The following SLC9B1 variants were observed in gnomAD, a reference collection of about 807,000 sequenced individuals.
SLC9B1 encodes solute carrier family 9 member B1.
Under a neutral mutation model 51.7 loss-of-function variants are expected in SLC9B1, and 32 were observed. That is an observed-to-expected ratio of 0.62 (90% CI 0.47 to 0.83). SLC9B1 has a LOEUF of 0.83. Among genes scored for constraint, SLC9B1 ranks in the 40% least tolerant of loss-of-function variants. The probability of loss-of-function intolerance (pLI) is 0.00; values close to 1 mark genes in which losing one functional copy is unlikely to be tolerated. For synonymous variants in SLC9B1, 145 were observed against 212.7 expected (o/e 0.68, Z 2.77); for missense variants, 406 against 613.2 (o/e 0.66, Z 3.57).
chr4:102,929,945 G>C (rs2110456344), intron 7 of SLC9B1, among the ~76,000 whole-genome samples: 1 of 152,322 alleles, frequency 6.6e-6, no homozygotes, highest in South Asian at 2.1e-4. Flanking sequence ...ATGGTAAAAA[G>C]AGTGAGAAAA....
chr4:102,891,683 T>G (rs928305198), intron 11 of SLC9B1: 1 of 152,246 alleles, frequency 6.6e-6, no homozygotes, highest in East Asian at 1.9e-4. Context: ...TCCCATTCAA[T>G]TGAAACATTT....
At chr4:102,910,770 T>C (rs1735300744) in intron 8 of SLC9B1, among the ~76,000 whole-genome samples, 182 bp from the exon 9 acceptor site, 1 of 152,126 alleles carries the variant, frequency 6.6e-6, no homozygotes, top group Non-Finnish European at 1.5e-5. Context: ...AGTAACAAAA[T>C]TTGCAATTAG....
At chr4:102,902,543 A>G (rs548490277) in intron 11 of SLC9B1, among the ~76,000 whole-genome samples, 1 of 152,124 alleles carries the variant, frequency 6.6e-6, no homozygotes. Context: ...CAAAAAACAA[A>G]AACCAAACCC....
intron 7 of SLC9B1, among the ~76,000 whole-genome samples, chr4:102,926,866 T>C (rs890576457): frequency 2.0e-5 from 3 of 152,166 alleles, no homozygotes; most frequent in African/African-American, 7.2e-5. Flanking sequence ...AAGGCTGCAC[T>C]AACCAAAACA....
chr4:102,922,299 C>A (rs1288706417), intron 7 of SLC9B1, among the ~76,000 whole-genome samples: 4 of 152,134 alleles, frequency 2.6e-5, no homozygotes, highest in Non-Finnish European at 5.9e-5. Context: ...ACAATTTGCT[C>A]CTGAATGACT....
chr4:102,904,128 A>T (rs1199429907), intron 11 of SLC9B1, among the ~76,000 whole-genome samples: 3 of 151,446 alleles, frequency 2.0e-5, no homozygotes, highest in Non-Finnish European at 2.9e-5. Flanking sequence ...GTGTGACCTC[A>T]GCTCATTGCA....
In SLC9B1 at chr4:102,989,930, A is replaced by C. The variant is rs775009509; in HGVS notation, c.81T>G (p.Asp27Glu). 2.0e-4 allele frequency: 309 copies of C among 1,579,712 alleles called. No individual in the cohort carries two copies. The highest frequency in any genetic ancestry group is 2.6e-4 in the Non-Finnish European group (302 of 1,157,964). ...QTSTTPQSLI[D>E]PNNTAQEETK... Reference sequence around the variant, plus strand: ...TTTCTTCCTGTGCAGTATTATTAGGATCAATGAGACTCTGTAGTAAAACAA... The same window carrying C: ...TTTCTTCCTGTGCAGTATTATTAGGCTCAATGAGACTCTGTAGTAAAACAA... Residue 27 changes from aspartate to glutamate, a missense_variant, in exon 3 of 12, where the codon GAT becomes GAG. Around this residue, in one of 6 missense-constraint regions of SLC9B1, gnomAD observed 108 missense variants for 94.5 expected, o/e 1.14. Coordinates refer to ENST00000296422, the MANE Select transcript of SLC9B1 (RefSeq NM_139173.4).
chr4:102,948,106 C>T (rs1737356746), intron 4 of SLC9B1, among the ~76,000 whole-genome samples: 1 of 152,142 alleles, frequency 6.6e-6, no homozygotes. Context: ...TTTCATATCA[C>T]ATTGTCTATT....
At chr4:102,992,905 G>T (rs1740019511) in intron 1 of SLC9B1, among the ~76,000 whole-genome samples, 1 of 152,150 alleles carries the variant, frequency 6.6e-6, no homozygotes, top group South Asian at 2.1e-4. Context: ...CTCTTCACAG[G>T]GTGGCAGAAG....
At chr4:102,950,855 C>T (rs577408076) in intron 3 of SLC9B1, among the ~76,000 whole-genome samples, 1 of 152,096 alleles carries the variant, frequency 6.6e-6, no homozygotes, top group Non-Finnish European at 1.5e-5. Context: ...ATTAGCCTGG[C>T]CTGTTGGCGC....
intron 9 of SLC9B1, among the ~76,000 whole-genome samples, chr4:102,909,669 G>A (rs1255822120): frequency 6.6e-6 from 1 of 152,216 alleles, no homozygotes; most frequent in Non-Finnish European, 1.5e-5. Context: ...AAGTGGAAAC[G>A]ATCTTAATGT....
intron 1 of SLC9B1, among the ~76,000 whole-genome samples, chr4:103,010,359 T>C (rs918734518): frequency 6.6e-6 from 1 of 152,196 alleles, no homozygotes; most frequent in Non-Finnish European, 1.5e-5. Context: ...GAACTTGTCC[T>C]TTTATAATGA....
At position 103,012,710 on chromosome 4, in the gene SLC9B1, A is replaced by C. The variant is rs374052080; in HGVS notation, c.-2+6889T>G. On this transcript the variant is annotated intron_variant, in intron 1 of 11. Coordinates refer to ENST00000296422, the MANE Select transcript of SLC9B1 (RefSeq NM_139173.4). ...GAAACCTACTTTCTCACAATTCTGG[A>C]GGCTGGGAAATCCAAGATTAAGGTT... is the stretch of plus-strand genomic sequence containing the variant. 3.9e-5 allele frequency among the ~76,000 whole-genome samples: 6 copies of C among 152,316 alleles called. No homozygotes were observed. The East Asian group carries it at 1.2e-3, about 29-fold the overall frequency.
intron 11 of SLC9B1, among the ~76,000 whole-genome samples, chr4:102,903,215 T>C (rs940918275): frequency 7.2e-5 from 11 of 152,130 alleles, no homozygotes; most frequent in African/African-American, 2.7e-4. Flanking sequence ...ATGAAAATTA[T>C]GAAATAATAA....
intron 6 of SLC9B1, among the ~76,000 whole-genome samples, chr4:102,938,922 G>T: frequency 6.6e-6 from 1 of 152,032 alleles, no homozygotes; most frequent in East Asian, 1.9e-4. Context: ...ATATTGAAAA[G>T]TTAGAAGGAT....
exon 12 of SLC9B1, chr4:102,885,192 A>G: frequency 1.3e-6 from 2 of 1,588,486 alleles, no homozygotes; most frequent in Non-Finnish European, 1.7e-6. Context: ...AGCACTGCAG[A>G]TTCTGACACA....
Position 103,004,649 on chromosome 4 carries a change from G to A in SLC9B1, c.-1-12937C>T, listed in dbSNP as rs187578099. The stretch of plus-strand genomic sequence containing the variant: ...CAAAGCAATCAGATTCTCCAAGGTC[G>A]AAATGAAAGAAAAAAGCATTAAAGG... On this transcript the variant is annotated intron_variant, in intron 1 of 11. Transcript: ENST00000296422. Among the ~76,000 whole-genome samples, 272 of 152,110 alleles carry A rather than the reference G, an allele frequency of 1.8e-3. 1 individual carries two copies. The highest frequency in any genetic ancestry group is 6.0e-3 in the African/African-American group (249 of 41,506).
intron 11 of SLC9B1, chr4:102,891,416 GACAATTT>G (rs1734243599): frequency 6.6e-6 from 1 of 152,182 alleles, no homozygotes; most frequent in Non-Finnish European, 1.5e-5. Flanking sequence ...AGCAGCTTGA[GACAATTT>G]ATAGGATTCT....
At chr4:102,916,924 T>C (rs1228187633) in intron 7 of SLC9B1, among the ~76,000 whole-genome samples, 3 of 152,154 alleles carry the variant, frequency 2.0e-5, no homozygotes, top group Admixed American at 1.3e-4. Context: ...TCTGTGAGGG[T>C]GCTGCCACAG....
Sources: gnomAD v4.1 joint callset for allele counts (sites outside exome capture counted in the v4.1 genomes callset) on GRCh38, gnomAD v4.1.1 for gene constraint, gnomAD v4.1.1 regional missense constraint, MANE v1.5 for transcripts, NCBI Gene and HGNC (gene_info 2026-07-23, HGNC 2026-07-21) for gene names.